Variants in CERT1 observed in about 807,000 individuals in gnomAD.
CERT1 encodes ceramide transporter 1.
A neutral mutation model predicts 87.9 loss-of-function variants in CERT1; 31 were observed. The ratio of observed to expected loss-of-function variants is 0.35; its 90% confidence interval spans 0.27 to 0.48. The LOEUF is 0.48. Among genes scored for constraint, CERT1 ranks in the 20% least tolerant of loss-of-function variants. The pLI, the probability that CERT1 is intolerant of heterozygous loss-of-function variation, is 0.99. For missense variants in CERT1, 487 were observed against 758.0 expected, an observed-to-expected ratio of 0.64 and a Z score of 4.20; for synonymous variants, 289 against 250.9, an observed-to-expected ratio of 1.15 and a Z score of -1.44.
chr5:75,457,154 C>A (rs1167263881), intron 3 of CERT1, among the ~76,000 whole-genome samples: 4 of 152,190 alleles, frequency 2.6e-5, no homozygotes, highest in Non-Finnish European at 4.4e-5. Context: ...CATTTAGCTT[C>A]TCTCACCTAA....
intron 2 of CERT1, among the ~76,000 whole-genome samples, chr5:75,473,981 T>C (rs867911275): frequency 6.6e-6 from 1 of 152,208 alleles, no homozygotes; most frequent in East Asian, 1.9e-4. Context: ...ACTCAGTACC[T>C]GTTCTAAGAA....
At chr5:75,469,476 A>G (rs909126384) in intron 2 of CERT1, among the ~76,000 whole-genome samples, 3 of 152,192 alleles carry the variant, frequency 2.0e-5, no homozygotes, top group African/African-American at 7.2e-5. Context: ...AAATTGTAAC[A>G]TCAAAAATTC....
At chr5:75,385,675 C>T (rs3846665) in intron 13 of CERT1, among the ~76,000 whole-genome samples, 5 of 151,970 alleles carry the variant, frequency 3.3e-5, no homozygotes, top group African/African-American at 1.2e-4. Context: ...AGCAATAATA[C>T]CTACCTATCA....
intron 12 of CERT1, among the ~76,000 whole-genome samples, chr5:75,388,905 C>T (rs1482916698): frequency 6.6e-6 from 1 of 152,056 alleles, no homozygotes; most frequent in Non-Finnish European, 1.5e-5. Flanking sequence ...GGATTACAGG[C>T]ATAGCCACTG....
chr5:75,386,913 G>T (rs1761811270), intron 12 of CERT1, among the ~76,000 whole-genome samples: 1 of 152,116 alleles, frequency 6.6e-6, no homozygotes. Context: ...TGTTGCCCAG[G>T]CTGGAGTGCA....
At chr5:75,454,846 TGTCATCTTCTCTTATTC>T (rs1764911796) in intron 3 of CERT1, among the ~76,000 whole-genome samples, 2 of 152,194 alleles carry the variant, frequency 1.3e-5, no homozygotes, top group Non-Finnish European at 2.9e-5. Context: ...AGTTTTGAAG[TGTCATCTTCTCTTATTC>T]TACACAACAA....
At chr5:75,438,486 G>C (rs755795769) in intron 3 of CERT1, among the ~76,000 whole-genome samples, 1 of 152,100 alleles carries the variant, frequency 6.6e-6, no homozygotes, top group Non-Finnish European at 1.5e-5. Flanking sequence ...TTTGTAACAT[G>C]CTTTCAAAAT....
At chr5:75,451,437 G>T (rs1764765524) in intron 3 of CERT1, among the ~76,000 whole-genome samples, 2 of 152,110 alleles carry the variant, frequency 1.3e-5, no homozygotes, top group African/African-American at 4.8e-5. Context: ...ATGTAAAGAG[G>T]AAGTAAAATT....
intron 10 of CERT1, among the ~76,000 whole-genome samples, chr5:75,399,909 T>C (rs1156785723): frequency 6.6e-6 from 1 of 151,800 alleles, no homozygotes; most frequent in Non-Finnish European, 1.5e-5. Flanking sequence ...GAGGCTGAGG[T>C]GGGTGGATCA....
intron 2 of CERT1, among the ~76,000 whole-genome samples, chr5:75,501,898 G>A (rs1767389786): frequency 6.6e-6 from 1 of 152,068 alleles, no homozygotes; most frequent in Non-Finnish European, 1.5e-5. Flanking sequence ...CATTCATATA[G>A]AGAGATAGTC....
rs148467772 is a variant in CERT1 at position 75,504,147 on chromosome 5, G to A, written c.231+1835C>T. On this transcript the variant is annotated intron_variant, in intron 2 of 16. Coordinates refer to ENST00000643780, the MANE Select transcript of CERT1 (RefSeq NM_001379029.1). ...CATCCAATAATAATACGCAAAAGAA[G>A]GGGAGTGGAGGATCAAGGAAAAACA... Among the ~76,000 whole-genome samples the A allele has an allele frequency of 2.1e-3, 317 of 152,056 alleles. 1 individual carries two copies. In the East Asian group the frequency reaches 0.027, roughly 13 times the overall value.
At position 75,384,687 on chromosome 5, in the gene CERT1, C is replaced by A; in HGVS notation, c.1443G>T (p.Val481=). ...TGATTGCATTATCAGCTAATGTTTC[C>A]ACCACATGAAAGTTTTCTATAGTTG... is the stretch of plus-strand genomic sequence containing the variant. ...WETTIENFHV[V]ETLADNAIII... The change falls in exon 14 of 17, where the codon GTG becomes GTT. Residue 481 remains valine, a synonymous_variant. Transcript: ENST00000643780. The A allele has an allele frequency of 1.2e-6, 2 of 1,604,440 alleles. No individual in the cohort carries two copies. Among genetic ancestry groups the A allele is most frequent in the Non-Finnish European group, 8.5e-7 (1 of 1,171,802 alleles).
At chr5:75,495,538 A>G (rs749541909) in intron 2 of CERT1, among the ~76,000 whole-genome samples, 87 of 152,058 alleles carry the variant, frequency 5.7e-4, no homozygotes, top group Admixed American at 1.7e-3. Context: ...AGCCTGGGCA[A>G]CAGACTGAGA....
intron 14 of CERT1, among the ~76,000 whole-genome samples, chr5:75,383,725 T>C (rs1032069274): frequency 1.2e-4 from 18 of 152,106 alleles, no homozygotes; most frequent in Admixed American, 7.2e-4. Context: ...AAAAGAAAAA[T>C]GAAGCACTCA....
At chr5:75,382,189 G>C in intron 14 of CERT1, 112 bp from the exon 15 acceptor site, 1 of 926,264 alleles carries the variant, frequency 1.1e-6, no homozygotes, top group South Asian at 1.8e-5. Flanking sequence ...ATTTTAAATG[G>C]AAAGCATCTG....
At chr5:75,437,321 G>T (rs908041573) in intron 3 of CERT1, among the ~76,000 whole-genome samples, 1 of 152,062 alleles carries the variant, frequency 6.6e-6, no homozygotes, top group African/African-American at 2.4e-5. Context: ...GATAAAACAA[G>T]ACTCCATTTC....
At chr5:75,370,416 T>C (rs535361450) in intron 17 of CERT1, 1 of 152,314 alleles carries the variant, frequency 6.6e-6, no homozygotes, top group South Asian at 2.1e-4. Flanking sequence ...ATTAAATGCA[T>C]ACAGCTCAAT....
intron 8 of CERT1, among the ~76,000 whole-genome samples, chr5:75,404,815 C>G (rs1762640179): frequency 6.6e-6 from 1 of 152,042 alleles, no homozygotes. Context: ...TCTGGACTAG[C>G]CAGGCCAACA....
intron 5 of CERT1, among the ~76,000 whole-genome samples, chr5:75,421,513 C>T (rs1460026285): frequency 1.3e-5 from 2 of 152,130 alleles, no homozygotes; most frequent in East Asian, 1.9e-4. Flanking sequence ...TCCATCATTC[C>T]TACAGACTTC....
Sources: gnomAD v4.1 joint callset for allele counts (sites outside exome capture counted in the v4.1 genomes callset) on GRCh38, gnomAD v4.1.1 for gene constraint, MANE v1.5 for transcripts, NCBI Gene and HGNC (gene_info 2026-07-23, HGNC 2026-07-21) for gene names.